Variants in LRRC63 observed in about 807,000 individuals in gnomAD.
The protein encoded by LRRC63 is leucine-rich repeat-containing protein 63.
A neutral mutation model predicts 49.5 loss-of-function variants in LRRC63; 40 were observed. The ratio of observed to expected loss-of-function variants is 0.81; its 90% confidence interval spans 0.63 to 1.05. The LOEUF (loss-of-function observed/expected upper bound fraction) is 1.05. Ranked by LOEUF, LRRC63 falls within the 50% of genes least tolerant of loss-of-function variation. The probability of loss-of-function intolerance (pLI) is 0.00; values close to 1 mark genes in which losing one functional copy is unlikely to be tolerated. For missense variants in LRRC63, 636 were observed against 663.1 expected (o/e 0.96, Z 0.45); for synonymous variants, 191 against 221.1 (o/e 0.86, Z 1.21).
intron 2 of LRRC63, among the ~76,000 whole-genome samples, chr13:46,226,812 T>G (rs918617075): frequency 1.3e-5 from 2 of 152,200 alleles, no homozygotes; most frequent in Non-Finnish European, 1.5e-5. Flanking sequence ...AATTTTGCCT[T>G]AATGAATCTA....
intron 7 of LRRC63, among the ~76,000 whole-genome samples, chr13:46,258,605 C>T (rs1926004): frequency 0.2 from 30,484 of 149,748 alleles, 3,643 homozygotes; most frequent in Middle Eastern, 0.36. Flanking sequence ...GTCAGGAGAT[C>T]GAGACCATCC....
chr13:46,270,155 G>T, intron 9 of LRRC63: 1 of 732,404 alleles, frequency 1.4e-6, no homozygotes. Flanking sequence ...GTACAAAGCA[G>T]ATGTCAAAGG....
chr13:46,258,124 CTTTTTTTTTTTT>C (rs61630248), intron 7 of LRRC63, among the ~76,000 whole-genome samples: 2 of 100,582 alleles, frequency 2.0e-5, no homozygotes, highest in Non-Finnish European at 3.7e-5. Flanking sequence ...GTGACCTACT[CTTTTTTTTTTTT>C]TTTTTTTTTT....
chr13:46,249,989 C>G (rs1276337000), intron 6 of LRRC63: 1 of 155,664 alleles, frequency 6.4e-6, no homozygotes, highest in African/African-American at 2.4e-5. Context: ...TTTCTGATCA[C>G]TAAGGTTAAT....
At position 46,223,869 on chromosome 13, in the gene LRRC63, AAAC is replaced by A. The variant is rs1180769299; in HGVS notation, c.86-3631_86-3629del. ...AGACCTTGTCTCAAAAACAAAAACA[AAAC>A]AACAACAACAAAAAACAAAAAAAAC... On this transcript the variant is annotated intron_variant, in intron 2 of 9. Coordinates refer to ENST00000595396, the Ensembl canonical transcript of LRRC63. 3.9e-5 allele frequency among the ~76,000 whole-genome samples: 6 copies of A among 152,246 alleles called. No homozygotes were observed. The East Asian group carries it at 5.8e-4, about 15-fold the overall frequency.
At chr13:46,223,415 C>CT (rs1159647869) in intron 2 of LRRC63, among the ~76,000 whole-genome samples, 1 of 149,704 alleles carries the variant, frequency 6.7e-6, no homozygotes, top group Non-Finnish European at 1.5e-5. Context: ...CTGGGAAATA[C>CT]TTTATTTTTC....
At chr13:46,272,478 A>G (rs1406280058) in intron 9 of LRRC63, among the ~76,000 whole-genome samples, 1 of 152,250 alleles carries the variant, frequency 6.6e-6, no homozygotes, top group Non-Finnish European at 1.5e-5. Context: ...AATTTAAAAG[A>G]CTGATATTGT....
At chr13:46,249,101 A>AAAATGT (rs1322105356) in intron 6 of LRRC63, among the ~76,000 whole-genome samples, 10 of 151,888 alleles carry the variant, frequency 6.6e-5, no homozygotes, top group African/African-American at 2.4e-4. Flanking sequence ...AATGAAAATG[A>AAAATGT]AAACACAACA....
intron 4 of LRRC63, among the ~76,000 whole-genome samples, chr13:46,229,050 A>C (rs78034408): frequency 0.05 from 7,674 of 152,276 alleles, 398 homozygotes; most frequent in African/African-American, 0.14. Flanking sequence ...TGAAAAATAT[A>C]TTTGAAGAAA....
intron 7 of LRRC63, among the ~76,000 whole-genome samples, chr13:46,260,404 T>G (rs145813584): frequency 6.6e-6 from 1 of 152,230 alleles, no homozygotes; most frequent in Non-Finnish European, 1.5e-5. Flanking sequence ...TCAGAGCAAA[T>G]TATTTTAAAT....
chr13:46,259,908 G>A (rs1474166708), intron 7 of LRRC63, among the ~76,000 whole-genome samples: 3 of 152,074 alleles, frequency 2.0e-5, no homozygotes, highest in Non-Finnish European at 4.4e-5. Context: ...CTAACAGTAG[G>A]GCTCTAGTTT....
intron 5 of LRRC63, among the ~76,000 whole-genome samples, chr13:46,236,257 T>TGTTGGTATAC (rs2046901581): frequency 6.6e-6 from 1 of 152,010 alleles, no homozygotes; most frequent in Non-Finnish European, 1.5e-5. Flanking sequence ...AGAAAAAGTA[T>TGTTGGTATAC]TTGAAAAAAT....
exon 10 of LRRC63, chr13:46,276,822 GTGTGTGTA>G (rs1260839069): frequency 6.5e-6 from 1 of 152,880 alleles, no homozygotes; most frequent in African/African-American, 4.2e-5. Flanking sequence ...TTTATCGTAT[GTGTGTGTA>G]TATATATATA....
At chr13:46,252,232 C>T (rs2047402294) in intron 7 of LRRC63, among the ~76,000 whole-genome samples, 1 of 151,950 alleles carries the variant, frequency 6.6e-6, no homozygotes, top group Non-Finnish European at 1.5e-5. Flanking sequence ...CTGAATTCTT[C>T]ATATCTAAGG....
exon 10 of LRRC63, chr13:46,276,935 G>T (rs1279280727): frequency 6.4e-6 from 1 of 156,652 alleles, no homozygotes; most frequent in Non-Finnish European, 1.3e-5. Flanking sequence ...TCTGCATATA[G>T]TAATTCATCT....
chr13:46,275,179 C>G (rs1363053069), intron 9 of LRRC63, among the ~76,000 whole-genome samples: 2 of 152,264 alleles, frequency 1.3e-5, no homozygotes, highest in South Asian at 2.1e-4. Flanking sequence ...GAATAGTATT[C>G]CATTGTGTGT....
chr13:46,267,687 C>T (rs895956709), intron 9 of LRRC63, among the ~76,000 whole-genome samples: 20 of 151,990 alleles, frequency 1.3e-4, no homozygotes, highest in Non-Finnish European at 2.4e-4. Flanking sequence ...AATCTACCAA[C>T]GAAAAAGGAA....
chr13:46,213,241 A>G (rs2046146430), intron 2 of LRRC63, 122 bp downstream of exon 2: 2 of 615,548 alleles, frequency 3.2e-6, no homozygotes, highest in Non-Finnish European at 5.5e-6. Flanking sequence ...GTTTGTTGTC[A>G]GGTGATAACA....
At chr13:46,246,178 C>A (rs1438580441) in intron 5 of LRRC63, among the ~76,000 whole-genome samples, 1 of 152,138 alleles carries the variant, frequency 6.6e-6, no homozygotes, top group Non-Finnish European at 1.5e-5. Context: ...TTTCCTGAGG[C>A]CTCCCCAGAA....
Sources: allele counts gnomAD v4.1 joint callset (sites outside exome capture counted in the v4.1 genomes callset), GRCh38; gene constraint gnomAD v4.1.1; transcripts MANE v1.5; gene names NCBI Gene and HGNC (gene_info 2026-07-23, HGNC 2026-07-21).